ZFP64: variants seen among roughly 807,000 people sequenced by gnomAD.
The protein encoded by ZFP64 is zinc finger protein 64.
ZFP64 carries 14 observed loss-of-function variants against 51.6 expected under a neutral mutation model. That is an observed-to-expected ratio of 0.27 (90% CI 0.18 to 0.42). The LOEUF (loss-of-function observed/expected upper bound fraction) is 0.42, where lower values mean the gene tolerates loss of function less well. Among genes scored for constraint, ZFP64 ranks in the 10% least tolerant of loss-of-function variants. The probability of loss-of-function intolerance (pLI) is 1.00; values close to 1 mark genes in which losing one functional copy is unlikely to be tolerated. For synonymous variants in ZFP64, 375 were observed against 361.4 expected (o/e 1.04, Z -0.43); for missense variants, 754 against 906.8 (o/e 0.83, Z 2.16).
chr20:52,179,457 T>C (rs1173067616), intron 2 of ZFP64, among the ~76,000 whole-genome samples: 2 of 152,196 alleles, frequency 1.3e-5, no homozygotes, highest in African/African-American at 4.8e-5. Flanking sequence ...CCTCGTTCAA[T>C]AGCTGTTTTA....
At chr20:52,102,070 C>T (rs1254861195) in intron 5 of ZFP64, among the ~76,000 whole-genome samples, 1 of 141,234 alleles carries the variant, frequency 7.1e-6, no homozygotes, top group Middle Eastern at 3.6e-3. Context: ...CCAGATCGTG[C>T]CACTGCACTC....
At chr20:52,112,082 C>CAAAAAAAAAAAAAAAAAAA in intron 5 of ZFP64, among the ~76,000 whole-genome samples, 1 of 78,398 alleles carries the variant, frequency 1.3e-5, no homozygotes, top group Non-Finnish European at 2.4e-5. Context: ...ACTCTATCTC[C>CAAAAAAAAAAAAAAAAAAA]AAAAAAAAAA....
Position 52,088,586 on chromosome 20 carries a change from AG to A in ZFP64, c.1033del (p.Leu345Ter). On this transcript the variant is annotated frameshift_variant, in exon 8 of 9. Coordinates refer to the ZFP64 transcript ENST00000361387. LOFTEE classifies it high-confidence loss of function. ...GGTGTGGCACCGCATGTGCATGGTC[AG>A]GTTGTCCTTCCGGCTGAAGCACTTG... The A allele has an allele frequency of 1.2e-6, 2 of 1,614,212 alleles. No individual in the cohort carries two copies. Among genetic ancestry groups the A allele is most frequent in the East Asian group, 4.5e-5 (2 of 44,880 alleles).
rs372925954 is a variant in ZFP64 at position 52,091,716 on chromosome 20, G to A, written c.977-3073C>T. Among the ~76,000 whole-genome samples, 164 of 151,348 alleles carry A rather than the reference G, an allele frequency of 1.1e-3. 4 individuals carry two copies. In the South Asian group the frequency reaches 0.032, roughly 30 times the overall value. Reference sequence around the variant, plus strand: ...AAAACCTATGGCCGTGGCTGGGCGCGGTGGCTCACGTCTGTAATCCCAGCA... The same window carrying A: ...AAAACCTATGGCCGTGGCTGGGCGCAGTGGCTCACGTCTGTAATCCCAGCA... On this transcript the variant is annotated intron_variant, in intron 7 of 8. Coordinates refer to the ZFP64 transcript ENST00000361387.
At chr20:52,101,185 T>C (rs536248572) in intron 5 of ZFP64, among the ~76,000 whole-genome samples, 11 of 152,214 alleles carry the variant, frequency 7.2e-5, no homozygotes, top group African/African-American at 2.2e-4. Context: ...AGGGCTGGGG[T>C]TGAGAAAGTC....
At chr20:52,134,812 AC>A (rs1312780844) in intron 5 of ZFP64, among the ~76,000 whole-genome samples, 2 of 152,132 alleles carry the variant, frequency 1.3e-5, no homozygotes, top group Non-Finnish European at 2.9e-5. Flanking sequence ...CTTACGGACC[AC>A]TTTTTTTTGT....
intron 2 of ZFP64, among the ~76,000 whole-genome samples, chr20:52,181,046 G>A (rs372312423): frequency 6.6e-6 from 1 of 152,112 alleles, no homozygotes; most frequent in Admixed American, 6.6e-5. Flanking sequence ...AGGTTCAAGC[G>A]ATTCTCCTGC....
chr20:52,135,893 G>T (rs1416194364), intron 5 of ZFP64, among the ~76,000 whole-genome samples: 1 of 151,568 alleles, frequency 6.6e-6, no homozygotes, highest in Non-Finnish European at 1.5e-5. Context: ...GAGGTCAGGA[G>T]TTCGAGACCA....
At chr20:52,110,242 T>A (rs1403970782) in intron 5 of ZFP64, 1 of 280,348 alleles carries the variant, frequency 3.6e-6, no homozygotes, top group African/African-American at 2.2e-5. Flanking sequence ...TTAGTACCAC[T>A]TTTCCCACCA....
intron 7 of ZFP64, among the ~76,000 whole-genome samples, chr20:52,091,216 G>A (rs1424411385): frequency 7.2e-5 from 11 of 151,904 alleles, no homozygotes; most frequent in Non-Finnish European, 1.5e-5. Context: ...TTAAATTATA[G>A]GTCAGGTGCT....
chr20:52,103,881 G>A (rs183559863), intron 5 of ZFP64, among the ~76,000 whole-genome samples: 28 of 152,276 alleles, frequency 1.8e-4, no homozygotes, highest in African/African-American at 6.0e-4. Context: ...TTTAGTGGAG[G>A]CTTCATTAAA....
At chr20:52,113,176 T>C (rs1486356021) in intron 5 of ZFP64, among the ~76,000 whole-genome samples, 2 of 151,492 alleles carry the variant, frequency 1.3e-5, no homozygotes, top group Non-Finnish European at 2.9e-5. Context: ...CTACTAAAAA[T>C]ACAAAAAATT....
chr20:52,097,456 T>A (rs868022479), intron 6 of ZFP64: 2 of 1,046,050 alleles, frequency 1.9e-6, no homozygotes, highest in African/African-American at 1.9e-5. Context: ...AAAATAGATT[T>A]TTTTTTTTTT....
intron 5 of ZFP64, chr20:52,105,461 G>C: frequency 1.1e-6 from 1 of 886,554 alleles, no homozygotes; most frequent in Non-Finnish European, 1.5e-6. Context: ...GGCAGCCCGC[G>C]CCACCTGGGA....
intron 2 of ZFP64, among the ~76,000 whole-genome samples, chr20:52,181,381 C>T (rs1461566116): frequency 1.3e-5 from 2 of 152,166 alleles, no homozygotes; most frequent in Non-Finnish European, 2.9e-5. Context: ...AAGCCATGAA[C>T]TTAGAAAATG....
intron 2 of ZFP64, among the ~76,000 whole-genome samples, chr20:52,181,910 G>A (rs1010423077): frequency 6.6e-6 from 1 of 152,178 alleles, no homozygotes; most frequent in Non-Finnish European, 1.5e-5. Context: ...AAAAAGAAAA[G>A]AAAGCAGAAT....
At chr20:52,182,693 T>A (rs1983696420) in intron 2 of ZFP64, among the ~76,000 whole-genome samples, 1 of 152,112 alleles carries the variant, frequency 6.6e-6, no homozygotes, top group African/African-American at 2.4e-5. Context: ...AACTCCAGCC[T>A]GAGCAACAGA....
Position 52,165,941 on chromosome 20 carries a change from A to G in ZFP64, c.371T>C (p.Ile124Thr). 6.2e-7 allele frequency: 1 copy of G among 1,614,156 alleles called. No homozygotes were observed. The highest frequency in any genetic ancestry group is 8.5e-7 in the Non-Finnish European group (1 of 1,180,028). ...ESNENQTATVISLPAKSRTKK... is the reference protein window; with the variant it reads ...ESNENQTATVTSLPAKSRTKK... ...GGTGCGTGACTTGGCAGGGAGAGAG[A>G]TGACAGTGGCTGTCTGGTTTTCATT... Residue 124 changes from isoleucine (I) to threonine (T), a missense_variant, in exon 3 of 6, where the codon ATC becomes ACC. Physicochemically the swap from Ile to Thr is moderately conservative, Grantham distance 89. Around this residue, in one of 3 missense-constraint regions of ZFP64, gnomAD observed 231 missense variants for 336.7 expected, o/e 0.69. Coordinates refer to ENST00000216923, the MANE Select transcript of ZFP64 (RefSeq NM_018197.3).
At chr20:52,104,594 G>A in intron 5 of ZFP64, 2 of 422,974 alleles carry the variant, frequency 4.7e-6, no homozygotes, top group Non-Finnish European at 9.7e-6. Flanking sequence ...CAGCAGCGCT[G>A]ACGCCCTGGG....
Sources: allele counts gnomAD v4.1 joint callset (sites outside exome capture counted in the v4.1 genomes callset), GRCh38; gene constraint gnomAD v4.1.1; regional missense constraint gnomAD v4.1.1; transcripts MANE v1.5; gene names NCBI Gene and HGNC (gene_info 2026-07-23, HGNC 2026-07-21).